Variants in MTA3 observed in about 807,000 individuals in gnomAD.
MTA3 encodes the protein metastasis-associated protein MTA3.
Under a neutral mutation model 83.5 loss-of-function variants are expected in MTA3, and 34 were observed. The ratio of observed to expected loss-of-function variants is 0.41; its 90% CI spans 0.31 to 0.54. The LOEUF is 0.54. Ranked by LOEUF, MTA3 falls within the 20% of genes least tolerant of loss-of-function variation. The probability of loss-of-function intolerance (pLI) is 0.33; values close to 1 mark genes in which losing one functional copy is unlikely to be tolerated. For missense variants in MTA3, 761 were observed against 726.4 expected (o/e 1.05, Z -0.55); for synonymous variants, 303 against 252.7 (o/e 1.20, Z -1.89).
chr2:42,659,786 C>A lies in MTA3; in HGVS notation c.626C>A (p.Ala209Asp). The change falls in exon 8 of 17, where the codon GCC becomes GAC. Residue 209 changes from alanine (A) to aspartate (D), a missense_variant. Physicochemically the swap from Ala to Asp is moderately radical, Grantham distance 126 (BLOSUM62 -2). Coordinates refer to ENST00000405094, the MANE Select transcript of MTA3 (RefSeq NM_001330442.2). The stretch of plus-strand genomic sequence containing the variant: ...AGTGCTGTTGGGACATTCGCCAGAG[C>A]CCTGGATTGCAGCAGTTCTGTGAGG... ...VARAVGTFAR[A>D]LDCSSSVRQP... 6.2e-7 allele frequency: 1 copy of A among 1,603,110 alleles called. No individual in the cohort carries two copies. The highest frequency in any genetic ancestry group is 8.5e-7 in the Non-Finnish European group (1 of 1,174,834).
chr2:42,672,430 G>T (rs1303375619), intron 8 of MTA3, among the ~76,000 whole-genome samples: 1 of 151,418 alleles, frequency 6.6e-6, no homozygotes, highest in Non-Finnish European at 1.5e-5. Context: ...ATCACTTGAG[G>T]CTAGGAGTTC....
intron 16 of MTA3, among the ~76,000 whole-genome samples, chr2:42,728,425 C>T (rs537660728): frequency 1.2e-4 from 18 of 152,238 alleles, no homozygotes; most frequent in Admixed American, 5.9e-4. Context: ...CTCTTCAATA[C>T]GCTGATTTCT....
chr2:42,498,663 C>G (rs1474769171), intron 2 of MTA3, among the ~76,000 whole-genome samples: 3 of 152,158 alleles, frequency 2.0e-5, no homozygotes, highest in Admixed American at 2.0e-4. Flanking sequence ...AACAGGTGAA[C>G]TACAGGCCAC....
intron 6 of MTA3, among the ~76,000 whole-genome samples, chr2:42,652,695 A>T (rs985589519): frequency 7.2e-5 from 11 of 152,004 alleles, no homozygotes; most frequent in African/African-American, 2.7e-4. Context: ...GAAAATTTTG[A>T]AATTTCTTTA....
rs191395261 is a variant in MTA3 at position 42,627,586 on chromosome 2, C to T, written c.318-12587C>T. On this transcript the variant is annotated intron_variant, in intron 4 of 16. Coordinates refer to ENST00000405094, the MANE Select transcript of MTA3 (RefSeq NM_001330442.2). The stretch of plus-strand genomic sequence containing the variant: ...TTTTTTCTTTTTTTTAAATTTGAAA[C>T]GGAGTCTCGCTCTGTCTCTCAGGTT... 1.1e-4 allele frequency among the ~76,000 whole-genome samples: 16 copies of T among 151,812 alleles called. No homozygotes were observed. The East Asian group carries it at 2.3e-3, about 22-fold the overall frequency.
intron 6 of MTA3, among the ~76,000 whole-genome samples, chr2:42,651,888 G>A (rs1156394217): frequency 1.3e-5 from 2 of 149,360 alleles, no homozygotes; most frequent in Non-Finnish European, 1.5e-5. Flanking sequence ...GAGGTCAGGA[G>A]TTCAAGACTA....
intron 16 of MTA3, 116 bp from the exon 17 acceptor site, chr2:42,753,258 T>G: frequency 2.0e-6 from 3 of 1,520,628 alleles, no homozygotes; most frequent in Non-Finnish European, 2.7e-6. Flanking sequence ...GACCTACTGC[T>G]GAGCCTCCTT....
chr2:42,642,644 G>GTT (rs1198386196), intron 5 of MTA3, among the ~76,000 whole-genome samples: 78 of 135,758 alleles, frequency 5.7e-4, no homozygotes, highest in Non-Finnish European at 7.9e-4. Context: ...TGTTAAGTTG[G>GTT]TTTTTTTTTT....
intron 16 of MTA3, among the ~76,000 whole-genome samples, chr2:42,723,592 A>G (rs1667588329): frequency 6.6e-6 from 1 of 152,224 alleles, no homozygotes; most frequent in Non-Finnish European, 1.5e-5. Context: ...TATCCAAAGT[A>G]CTTCTCTTGG....
chr2:42,714,404 A>T (rs900057441), intron 14 of MTA3, among the ~76,000 whole-genome samples: 2 of 152,194 alleles, frequency 1.3e-5, no homozygotes, highest in Non-Finnish European at 2.9e-5. Context: ...AAAAAAAATC[A>T]TGAGTTTTGT....
At chr2:42,663,801 G>A (rs1689961010) in intron 8 of MTA3, among the ~76,000 whole-genome samples, 2 of 152,086 alleles carry the variant, frequency 1.3e-5, no homozygotes, top group South Asian at 4.1e-4. Flanking sequence ...TGCCTCTTAT[G>A]CTCCTTCTAG....
chr2:42,740,131 A>G (rs993111934), intron 16 of MTA3, among the ~76,000 whole-genome samples: 3 of 152,230 alleles, frequency 2.0e-5, no homozygotes, highest in African/African-American at 7.2e-5. Flanking sequence ...TTTTCAGTTG[A>G]CTTTGCCCAG....
chr2:42,678,835 G>A (rs1691617462), intron 8 of MTA3, among the ~76,000 whole-genome samples: 1 of 152,032 alleles, frequency 6.6e-6, no homozygotes. Flanking sequence ...TGCTAATAAT[G>A]TTTTCACTTT....
intron 8 of MTA3, among the ~76,000 whole-genome samples, chr2:42,666,665 T>A (rs1178553692): frequency 6.6e-6 from 1 of 152,224 alleles, no homozygotes; most frequent in Non-Finnish European, 1.5e-5. Context: ...AATTAAAAAC[T>A]CATTTTTGTG....
chr2:42,533,294 G>T (rs1676062573), intron 2 of MTA3: 1 of 151,082 alleles, frequency 6.6e-6, no homozygotes, highest in South Asian at 2.1e-4. Context: ...TTACCATGTT[G>T]GTCAGGCTAG....
intron 2 of MTA3, among the ~76,000 whole-genome samples, chr2:42,507,192 G>A (rs1389023784): frequency 1.3e-5 from 2 of 151,908 alleles, no homozygotes; most frequent in Admixed American, 6.6e-5. Flanking sequence ...TGAGCCACTG[G>A]TGATGGTCTT....
Position 42,658,265 on chromosome 2 carries a change from C to T in MTA3, c.603-1498C>T, listed in dbSNP as rs375425538. On this transcript the variant is annotated intron_variant, in intron 7 of 16. Transcript: ENST00000405094. ...AAATTGGTACAGCTCCTTTGGAATA[C>T]TGTTTGCTGTCATCTAACACAAGTA... Among the ~76,000 whole-genome samples the T allele has an allele frequency of 2.1e-4, 32 of 152,192 alleles. 1 individual carries two copies. The South Asian group carries it at 6.6e-3, about 32-fold the overall frequency.
chr2:42,649,047 A>G (rs1195638240), intron 6 of MTA3, among the ~76,000 whole-genome samples: 1 of 152,150 alleles, frequency 6.6e-6, no homozygotes, highest in East Asian at 1.9e-4. Flanking sequence ...TGCAGTTAGC[A>G]CAGCGCCCAG....
At chr2:42,616,291 G>T (rs910258073) in intron 4 of MTA3, among the ~76,000 whole-genome samples, 6 of 151,908 alleles carry the variant, frequency 3.9e-5, no homozygotes, top group African/African-American at 1.5e-4. Flanking sequence ...TCGAACTCCT[G>T]ACTTCAGGTG....
Sources: gnomAD v4.1 joint callset for allele counts (sites outside exome capture counted in the v4.1 genomes callset) on GRCh38, gnomAD v4.1.1 for gene constraint, MANE v1.5 for transcripts, NCBI Gene and HGNC (gene_info 2026-07-23, HGNC 2026-07-21) for gene names.